The following PTPRJ variants were observed in gnomAD, a reference collection of about 807,000 sequenced individuals.
The protein encoded by PTPRJ is protein tyrosine phosphatase receptor type J.
PTPRJ carries 129 observed loss-of-function variants against 141.3 expected under a neutral mutation model. That is an observed-to-expected ratio of 0.91 (90% confidence interval 0.79 to 1.06). The LOEUF is 1.06. Ranked by LOEUF, PTPRJ falls within the 50% of genes least tolerant of loss-of-function variation. The pLI is 0.00. For missense variants in PTPRJ, 1,601 were observed against 1,679.7 expected, an observed-to-expected ratio of 0.95 and a Z score of 0.82; for synonymous variants, 610 against 640.5, an observed-to-expected ratio of 0.95 and a Z score of 0.72.
rs76575368 is a variant in PTPRJ at position 48,139,143 on chromosome 11, G to A, written c.2153-343G>A. ...GCGAGACTCCGTCTCAAAAAAAAAA[G>A]GGGGTCCTCATGATGAGATGGTGCA... On this transcript the variant is annotated intron_variant, in intron 10 of 24. Coordinates refer to ENST00000418331, the MANE Select transcript of PTPRJ (RefSeq NM_002843.4). Among the ~76,000 whole-genome samples the A allele has an allele frequency of 4.2e-4, 64 of 152,124 alleles. No homozygotes were observed. In the East Asian group the frequency reaches 7.2e-3, roughly 17 times the overall value.
At chr11:48,109,936 T>G (rs1856396183) in intron 1 of PTPRJ, 122 bp from the exon 2 acceptor site, 2 of 1,122,348 alleles carry the variant, frequency 1.8e-6, no homozygotes, top group Non-Finnish European at 2.7e-6. Flanking sequence ...CCAGCAGACC[T>G]TTGCTTAATG....
At chr11:47,989,249 GCTT>G (rs1046483345) in intron 1 of PTPRJ, among the ~76,000 whole-genome samples, 20 of 150,598 alleles carry the variant, frequency 1.3e-4, no homozygotes, top group African/African-American at 2.9e-4. Context: ...ATTTGCCTCT[GCTT>G]CTTCTTCTTT....
At chr11:47,991,093 C>CA (rs1854182674) in intron 1 of PTPRJ, among the ~76,000 whole-genome samples, 2 of 152,082 alleles carry the variant, frequency 1.3e-5, no homozygotes, top group South Asian at 4.1e-4. Flanking sequence ...CACACACAGA[C>CA]ACACGCAAAT....
chr11:48,117,058 C>T (rs1330740648), intron 3 of PTPRJ, among the ~76,000 whole-genome samples: 1 of 152,238 alleles, frequency 6.6e-6, no homozygotes, highest in African/African-American at 2.4e-5. Context: ...TGCCATCTCC[C>T]ACAGTAACTA....
At chr11:48,161,320 C>T (rs944480114) in intron 22 of PTPRJ, among the ~76,000 whole-genome samples, 15 of 151,746 alleles carry the variant, frequency 9.9e-5, no homozygotes, top group South Asian at 2.1e-4. Context: ...AAAGGAAAGC[C>T]GGGAAGTATA....
intron 24 of PTPRJ, among the ~76,000 whole-genome samples, chr11:48,166,088 C>T (rs1316840843): frequency 6.6e-6 from 1 of 151,712 alleles, no homozygotes; most frequent in Non-Finnish European, 1.5e-5. Flanking sequence ...TGGTCTCGAT[C>T]TCCTGACCTC....
At chr11:48,160,909 C>G (rs374300252) in intron 22 of PTPRJ, among the ~76,000 whole-genome samples, 1 of 151,886 alleles carries the variant, frequency 6.6e-6, no homozygotes, top group Non-Finnish European at 1.5e-5. Flanking sequence ...GGCCCAGGTG[C>G]GGTGATTCTA....
chr11:48,056,696 T>G (rs1854759760), intron 1 of PTPRJ, among the ~76,000 whole-genome samples: 1 of 152,218 alleles, frequency 6.6e-6, no homozygotes, highest in Non-Finnish European at 1.5e-5. Context: ...CTCATGCCCG[T>G]AATCCCAGCA....
chr11:48,051,188 C>T (rs1363346597), intron 1 of PTPRJ, among the ~76,000 whole-genome samples: 3 of 150,264 alleles, frequency 2.0e-5, no homozygotes, highest in Non-Finnish European at 4.4e-5. Flanking sequence ...CTCTGCCTCC[C>T]GGATTCAAGC....
rs990154997 is a variant in PTPRJ, at chr11:47,982,971, C to T, written c.96+1963C>T. 3.9e-5 allele frequency among the ~76,000 whole-genome samples: 6 copies of T among 152,186 alleles called. No homozygotes were observed. The East Asian group carries it at 5.8e-4, about 15-fold the overall frequency. On this transcript the variant is annotated intron_variant, in intron 1 of 24. Transcript: ENST00000418331. ...AAGAAGCATCTTCAAAATCCACATTCAGCAGTTCATTTTGATAATGGATAT... is the reference window on the plus strand; with the variant it reads ...AAGAAGCATCTTCAAAATCCACATTTAGCAGTTCATTTTGATAATGGATAT...
chr11:48,042,125 T>C (rs2134237236), intron 1 of PTPRJ, among the ~76,000 whole-genome samples: 1 of 152,310 alleles, frequency 6.6e-6, no homozygotes, highest in South Asian at 2.1e-4. Context: ...GAATCTGATA[T>C]CCCTGTTAGA....
chr11:48,069,676 C>T (rs1022430389), intron 1 of PTPRJ, among the ~76,000 whole-genome samples: 6 of 151,860 alleles, frequency 4.0e-5, no homozygotes, highest in African/African-American at 1.2e-4. Flanking sequence ...TGGTCTTGAT[C>T]TCCTGACCTC....
At chr11:48,163,294 G>A (rs1192935614) in intron 22 of PTPRJ, among the ~76,000 whole-genome samples, 164 bp from the exon 23 acceptor site, 1 of 152,160 alleles carries the variant, frequency 6.6e-6, no homozygotes, top group African/African-American at 2.4e-5. Flanking sequence ...TATTGTGAGG[G>A]TTTGATGAGC....
At chr11:48,140,463 G>C (rs969847840) in intron 11 of PTPRJ, among the ~76,000 whole-genome samples, 3 of 152,228 alleles carry the variant, frequency 2.0e-5, no homozygotes, top group African/African-American at 7.2e-5. Flanking sequence ...CAGGTCTGGT[G>C]GTGGGTGAGC....
intron 1 of PTPRJ, among the ~76,000 whole-genome samples, chr11:48,106,147 A>T (rs1276627706): frequency 6.6e-6 from 1 of 152,152 alleles, no homozygotes; most frequent in Admixed American, 6.5e-5. Flanking sequence ...AGGTATATGG[A>T]TGAAGGAGTA....
intron 1 of PTPRJ, among the ~76,000 whole-genome samples, chr11:48,075,978 T>C (rs899175598): frequency 6.6e-6 from 1 of 152,206 alleles, no homozygotes; most frequent in African/African-American, 2.4e-5. Context: ...GGTCATCCCA[T>C]TTCCATCTGA....
At position 48,058,516 on chromosome 11, in the gene PTPRJ, G is replaced by T. The variant is rs1365669745; in HGVS notation, c.97-51542G>T. Among the ~76,000 whole-genome samples the T allele has an allele frequency of 2.6e-5, 4 of 152,078 alleles. No homozygotes were observed. The East Asian group carries it at 7.8e-4, about 30-fold the overall frequency. On this transcript the variant is annotated intron_variant, in intron 1 of 24. Coordinates refer to ENST00000418331, the MANE Select transcript of PTPRJ (RefSeq NM_002843.4). ...GTGTGAGCCACTTTACCCAGCCTTG[G>T]GTCTTCCTTGACTCCTGACTCTCAA...
intron 1 of PTPRJ, among the ~76,000 whole-genome samples, chr11:48,016,975 G>T (rs540445405): frequency 6.6e-6 from 1 of 151,796 alleles, no homozygotes; most frequent in Non-Finnish European, 1.5e-5. Flanking sequence ...TGTGGCCCAG[G>T]TCTTGAGCTC....
rs951980053 is a variant in PTPRJ, at chr11:48,169,366, C to T, written c.*2004C>T. Reference sequence around the variant, plus strand: ...TGAGTTGGCCCGGCTAGGGTGGGCCCTCTTGACCTAACTTCAGAGGGGGCC... The same window carrying T: ...TGAGTTGGCCCGGCTAGGGTGGGCCTTCTTGACCTAACTTCAGAGGGGGCC... On this transcript the variant is annotated 3_prime_UTR_variant, in exon 25 of 25. Transcript: ENST00000418331. 1.3e-5 allele frequency: 2 copies of T among 152,214 alleles called. No homozygotes were observed. Among genetic ancestry groups the T allele is most frequent in the Non-Finnish European group, 2.9e-5 (2 of 68,058 alleles). The allele number at this position is 152,214 out of a possible 1,614,324, so 9.4% of individuals were successfully genotyped here.
Sources: allele counts gnomAD v4.1 joint callset (sites outside exome capture counted in the v4.1 genomes callset), GRCh38; gene constraint gnomAD v4.1.1; transcripts MANE v1.5; gene names NCBI Gene and HGNC (gene_info 2026-07-23, HGNC 2026-07-21).